The following JPH3 variants were observed in gnomAD, a reference collection of about 807,000 sequenced individuals.
The protein encoded by JPH3 is junctophilin 3, also known as junctophilin-3.
A neutral mutation model predicts 59.6 loss-of-function variants in JPH3; 11 were observed. That is an observed-to-expected ratio of 0.18 (90% CI 0.12 to 0.31). The LOEUF (loss-of-function observed/expected upper bound fraction) is 0.31. Ranked by LOEUF, JPH3 falls within the 10% of genes least tolerant of loss-of-function variation. The pLI, the probability that JPH3 is intolerant of heterozygous loss-of-function variation, is 1.00. For missense variants in JPH3, 1,202 were observed against 1,105.7 expected (o/e 1.09, Z -1.24); for synonymous variants, 673 against 483.6 (o/e 1.39, Z -5.14).
chr16:87,650,293 C>G (rs138379650), intron 2 of JPH3, among the ~76,000 whole-genome samples: 2 of 152,288 alleles, frequency 1.3e-5, no homozygotes, highest in African/African-American at 4.8e-5. Context: ...TTTTGGGATG[C>G]CACACATCGC....
intron 1 of JPH3, among the ~76,000 whole-genome samples, chr16:87,624,721 C>A (rs2031308699): frequency 6.6e-6 from 1 of 152,188 alleles, no homozygotes; most frequent in Non-Finnish European, 1.5e-5. Context: ...GTGGGGTGGC[C>A]TGGCTGGGTC....
At chr16:87,651,693 G>A (rs1433165758) in intron 2 of JPH3, among the ~76,000 whole-genome samples, 1 of 152,256 alleles carries the variant, frequency 6.6e-6, no homozygotes, top group African/African-American at 2.4e-5. Context: ...GACCACACTC[G>A]AAAGACTGAG....
intron 2 of JPH3, among the ~76,000 whole-genome samples, chr16:87,658,564 CT>C (rs1350049834): frequency 6.6e-6 from 1 of 152,182 alleles, no homozygotes; most frequent in African/African-American, 2.4e-5. Flanking sequence ...CCCAACCCCC[CT>C]GTTTCTCTAT....
intron 4 of JPH3, among the ~76,000 whole-genome samples, chr16:87,692,490 T>A (rs2033620161): frequency 6.6e-6 from 1 of 152,194 alleles, no homozygotes; most frequent in African/African-American, 2.4e-5. Flanking sequence ...GGTGCTGTCT[T>A]CTGGCCATCC....
intron 2 of JPH3, among the ~76,000 whole-genome samples, chr16:87,678,868 C>CT (rs2033216573): frequency 6.6e-6 from 1 of 150,792 alleles, no homozygotes. Context: ...AGGGCGCCAG[C>CT]AGCCGCCAGC....
At chr16:87,614,413 A>AG (rs1402141659) in intron 1 of JPH3, among the ~76,000 whole-genome samples, 2 of 149,400 alleles carry the variant, frequency 1.3e-5, no homozygotes, top group African/African-American at 4.9e-5. Context: ...CCAAGGATAA[A>AG]GGCAGGTCCC....
At chr16:87,647,925 C>T (rs562972564) in intron 2 of JPH3, among the ~76,000 whole-genome samples, 6 of 152,356 alleles carry the variant, frequency 3.9e-5, no homozygotes, top group South Asian at 2.1e-4. Flanking sequence ...CCTGGGCTGT[C>T]GTGGCTGAGT....
chr16:87,626,966 C>T (rs2031400737), intron 1 of JPH3, among the ~76,000 whole-genome samples: 1 of 152,122 alleles, frequency 6.6e-6, no homozygotes, highest in Admixed American at 6.6e-5. Flanking sequence ...CATAGTGAAG[C>T]CCCATCTCTA....
intron 1 of JPH3, among the ~76,000 whole-genome samples, chr16:87,640,468 G>A (rs1020166361): frequency 2.0e-5 from 3 of 151,762 alleles, no homozygotes; most frequent in East Asian, 3.9e-4. Flanking sequence ...TGTGCTCACT[G>A]TAACCTCCAC....
intron 2 of JPH3, among the ~76,000 whole-genome samples, chr16:87,646,323 A>C (rs2032149203): frequency 6.6e-6 from 1 of 152,248 alleles, no homozygotes; most frequent in South Asian, 2.1e-4. Context: ...CTATTGTTTT[A>C]GAGGGAATCA....
intron 2 of JPH3, among the ~76,000 whole-genome samples, chr16:87,647,691 C>A (rs926249874): frequency 6.6e-6 from 1 of 152,152 alleles, no homozygotes; most frequent in Non-Finnish European, 1.5e-5. Context: ...GCTGTCCACA[C>A]ACACGGCTCT....
Position 87,670,953 on chromosome 16 carries a change from G to A in JPH3, c.1161-13189G>A, listed in dbSNP as rs79229525. 2.3e-4 allele frequency among the ~76,000 whole-genome samples: 35 copies of A among 152,260 alleles called. No individual in the cohort carries two copies. In the East Asian group the frequency reaches 6.6e-3, roughly 29 times the overall value. On this transcript the variant is annotated intron_variant, in intron 2 of 4. Transcript: ENST00000284262. ...GCGGGAATTGATCCTGGCCCTCCCT[G>A]AATCAGTGTGGTGTGACCCCTCCCG...
intron 1 of JPH3, among the ~76,000 whole-genome samples, chr16:87,634,677 T>C (rs2031675584): frequency 6.6e-6 from 1 of 152,134 alleles, no homozygotes; most frequent in African/African-American, 2.4e-5. Context: ...TGCCCACCCA[T>C]GGGAAACGGG....
intron 2 of JPH3, among the ~76,000 whole-genome samples, chr16:87,651,460 G>A (rs1297155466): frequency 6.6e-6 from 1 of 152,200 alleles, no homozygotes; most frequent in Admixed American, 6.5e-5. Context: ...CTTCTGGAAA[G>A]GATTCACCAT....
At chr16:87,657,868 G>T (rs1167433096) in intron 2 of JPH3, among the ~76,000 whole-genome samples, 4 of 152,190 alleles carry the variant, frequency 2.6e-5, no homozygotes, top group African/African-American at 9.7e-5. Flanking sequence ...CTTAGTCTGG[G>T]GGCATGTGCC....
chr16:87,664,331 G>GAAA lies in JPH3; in HGVS notation c.1160+19308_1160+19310dup, dbSNP rs71389874. Among the ~76,000 whole-genome samples the GAAA allele has an allele frequency of 4.1e-3, 519 of 127,812 alleles. 4 individuals are homozygous for GAAA. The highest frequency in any genetic ancestry group is 0.014 in the African/African-American group (486 of 33,944). 83.8% of individuals were successfully genotyped at this position (127,812 alleles called of 152,430 possible). On this transcript the variant is annotated intron_variant, in intron 2 of 4. Transcript: ENST00000284262. ...TGGGCGACAGAATGAGACTCTGTCT[G>GAAA]AAAAAAAAAAAAAATCATATGGCCC...
intron 2 of JPH3, among the ~76,000 whole-genome samples, chr16:87,645,415 G>A (rs1363559409): frequency 6.6e-6 from 1 of 152,244 alleles, no homozygotes; most frequent in East Asian, 1.9e-4. Flanking sequence ...ACACCACCAG[G>A]TGGGGGTGGC....
rs2030399172 is a variant in JPH3, at chr16:87,604,253, CG to C, written c.382+729del. The C allele has an allele frequency of 1.4e-6, 2 of 1,452,770 alleles. 1 individual carries two copies. Among genetic ancestry groups the C allele is most frequent in the Admixed American group, 4.2e-5 (2 of 47,822 alleles). 90.0% of individuals were successfully genotyped at this position (1,452,770 alleles called of 1,614,324 possible). Reference sequence around the variant, plus strand: ...CTTCATTCTAAGATGCCACCGCATTCGGGGCAGAGCCGGGGCCGGAAGCCAG... The same window carrying C: ...CTTCATTCTAAGATGCCACCGCATTCGGGCAGAGCCGGGGCCGGAAGCCAG... On this transcript the variant is annotated intron_variant, in intron 1 of 4. Transcript: ENST00000284262.
chr16:87,655,679 A>G (rs755381356), intron 2 of JPH3, among the ~76,000 whole-genome samples: 28 of 152,198 alleles, frequency 1.8e-4, no homozygotes, highest in Non-Finnish European at 3.4e-4. Context: ...AATTTCCTGT[A>G]TTCCCTAAAT....
Sources: gnomAD v4.1 joint callset for allele counts (sites outside exome capture counted in the v4.1 genomes callset) on GRCh38, gnomAD v4.1.1 for gene constraint, MANE v1.5 for transcripts, NCBI Gene and HGNC (gene_info 2026-07-23, HGNC 2026-07-21) for gene names.